The following ALDH18A1 variants were observed in gnomAD, a reference collection of about 807,000 sequenced individuals.
The protein encoded by ALDH18A1 is aldehyde dehydrogenase 18 family member A1, also known as delta-1-pyrroline-5-carboxylate synthase.
In ALDH18A1, 44 loss-of-function variants were observed where a neutral mutation model predicts 88.8. That is an observed-to-expected ratio of 0.50 (90% CI 0.39 to 0.64). The LOEUF is 0.64. Ranked by LOEUF, ALDH18A1 falls within the 30% of genes least tolerant of loss-of-function variation. ALDH18A1 has a pLI of 0.00. For missense variants in ALDH18A1, 782 were observed against 1,009.5 expected, an observed-to-expected ratio of 0.77 and a Z score of 3.05; for synonymous variants, 331 against 372.1, an observed-to-expected ratio of 0.89 and a Z score of 1.27.
At chr10:95,631,168 A>G (rs2097868643) in intron 7 of ALDH18A1, among the ~76,000 whole-genome samples, 1 of 152,190 alleles carries the variant, frequency 6.6e-6, no homozygotes, top group South Asian at 2.1e-4. Context: ...AGAAAGCTTG[A>G]GAGGAGTGAA....
intron 12 of ALDH18A1, among the ~76,000 whole-genome samples, chr10:95,617,708 C>A (rs1327423420): frequency 6.6e-6 from 1 of 152,196 alleles, no homozygotes; most frequent in East Asian, 1.9e-4. Flanking sequence ...TTCTGTGAAA[C>A]CATCCAGGGC....
chr10:95,637,245 G>A lies in ALDH18A1; in HGVS notation c.453+42C>T, dbSNP rs766703747. The A allele has an allele frequency of 2.0e-5, 32 of 1,614,090 alleles. No individual in the cohort carries two copies. The East Asian group carries it at 6.9e-4, about 35-fold the overall frequency. Reference sequence around the variant, plus strand: ...GGTGTGGTAGGGAATGAGGGAAGAAGACCTGAAGATCCATTTCAATGTGTG... The same window carrying A: ...GGTGTGGTAGGGAATGAGGGAAGAAAACCTGAAGATCCATTTCAATGTGTG... On this transcript the variant is annotated intron_variant, in intron 4 of 17. Transcript: ENST00000371224.
At position 95,641,492 on chromosome 10, in the gene ALDH18A1, G is replaced by GT. The variant is rs1249676356; in HGVS notation, c.303+1499dup. ...TTTGATCATTGCTGTTGTTCTGGGT[G>GT]TTTTTTGTTTTTTTTTTTCTGCAGG... On this transcript the variant is annotated intron_variant, in intron 3 of 17. Coordinates refer to ENST00000371224, the MANE Select transcript of ALDH18A1 (RefSeq NM_002860.4). Among the ~76,000 whole-genome samples the GT allele has an allele frequency of 3.7e-4, 9 of 24,280 alleles. No individual in the cohort carries two copies. The East Asian group carries it at 0.013, about 34-fold the overall frequency. The allele number at this position is 24,280 out of a possible 152,430, so 15.9% of individuals were successfully genotyped here.
intron 2 of ALDH18A1, among the ~76,000 whole-genome samples, chr10:95,649,870 C>G (rs969173404): frequency 1.0e-4 from 15 of 149,786 alleles, no homozygotes; most frequent in African/African-American, 3.7e-4. Context: ...GACAGAGTGA[C>G]ACCCTGTCTC....
intron 9 of ALDH18A1, among the ~76,000 whole-genome samples, chr10:95,626,997 G>A (rs2097861371): frequency 1.3e-5 from 2 of 152,180 alleles, no homozygotes; most frequent in South Asian, 4.1e-4. Context: ...GAACTTGCCT[G>A]TATTTCTGGG....
chr10:95,647,643 A>G (rs903185350), intron 2 of ALDH18A1, among the ~76,000 whole-genome samples: 1 of 152,260 alleles, frequency 6.6e-6, no homozygotes, highest in Non-Finnish European at 1.5e-5. Flanking sequence ...CTCAGTCCAG[A>G]GAGGGTCCTG....
chr10:95,640,647 T>C (rs910180614), intron 3 of ALDH18A1, among the ~76,000 whole-genome samples: 6 of 152,198 alleles, frequency 3.9e-5, no homozygotes, highest in Admixed American at 2.0e-4. Flanking sequence ...CAGCTGTGAT[T>C]CCCTTTCTTG....
chr10:95,640,324 T>G (rs1442601702), intron 3 of ALDH18A1, among the ~76,000 whole-genome samples: 1 of 151,376 alleles, frequency 6.6e-6, no homozygotes, highest in Non-Finnish European at 1.5e-5. Flanking sequence ...CATATTTTGT[T>G]GTATTGTGCA....
At chr10:95,640,636 C>T (rs1315572348) in intron 3 of ALDH18A1, among the ~76,000 whole-genome samples, 2 of 152,294 alleles carry the variant, frequency 1.3e-5, no homozygotes, top group East Asian at 1.9e-4. Flanking sequence ...GCCACTGTGC[C>T]CAGCTGTGAT....
intron 11 of ALDH18A1, among the ~76,000 whole-genome samples, chr10:95,622,596 G>A (rs948882483): frequency 2.6e-5 from 4 of 152,112 alleles, no homozygotes; most frequent in African/African-American, 9.7e-5. Flanking sequence ...GGAGTGCAGT[G>A]GCGCAATCTC....
At chr10:95,619,194 A>G (rs556721702) in intron 12 of ALDH18A1, among the ~76,000 whole-genome samples, 2 of 152,152 alleles carry the variant, frequency 1.3e-5, no homozygotes, top group African/African-American at 4.8e-5. Flanking sequence ...CACAATTGCT[A>G]CAAAGAGAAT....
At chr10:95,640,462 C>T (rs116116285) in intron 3 of ALDH18A1, among the ~76,000 whole-genome samples, 2,997 of 152,156 alleles carry the variant, frequency 0.02, 91 homozygotes, top group African/African-American at 0.063. Context: ...CTGCTTCAGC[C>T]TACCAAGTAG....
chr10:95,606,151 C>T lies in ALDH18A1; in HGVS notation c.*611G>A, dbSNP rs41291562. On this transcript the variant is annotated 3_prime_UTR_variant, in exon 18 of 18. Coordinates refer to ENST00000371224, the MANE Select transcript of ALDH18A1 (RefSeq NM_002860.4). ...TGCAGCTTGGGTTCCAGCTGCATCA[C>T]GGGGAACACAGCATCTCCTGGATGC... 13,031 of 739,948 alleles carry T rather than the reference C, an allele frequency of 0.018. 153 individuals carry two copies. The highest frequency in any genetic ancestry group is 0.02 in the Non-Finnish European group (11,829 of 605,182). The allele number at this position is 739,948 out of a possible 1,614,324, so 45.8% of individuals were successfully genotyped here.
In ALDH18A1 at chr10:95,635,447, G is replaced by A. The variant is rs138277471; in HGVS notation, c.558+1646C>T. 1.4e-4 allele frequency among the ~76,000 whole-genome samples: 21 copies of A among 152,332 alleles called. No homozygotes were observed. In the East Asian group the frequency reaches 3.9e-3, roughly 28 times the overall value. Reference sequence around the variant, plus strand: ...GTACGTGTTTAGACAAGCGCAATCTGTTGAGGGAAAATCAGTTTCCCTTCT... The same window carrying A: ...GTACGTGTTTAGACAAGCGCAATCTATTGAGGGAAAATCAGTTTCCCTTCT... On this transcript the variant is annotated intron_variant, in intron 5 of 17. Coordinates refer to ENST00000371224, the MANE Select transcript of ALDH18A1 (RefSeq NM_002860.4).
chr10:95,613,705 G>T, intron 15 of ALDH18A1, 37 bp downstream of exon 15: 1 of 1,613,196 alleles, frequency 6.2e-7, no homozygotes, highest in South Asian at 1.1e-5. Flanking sequence ...AGGCTTCTAA[G>T]ACAGGAAGTA....
rs1056759023 is a variant in ALDH18A1, at chr10:95,616,668, A to C, written c.1468-54T>G. On this transcript the variant is annotated intron_variant, in intron 12 of 17. Coordinates refer to ENST00000371224, the MANE Select transcript of ALDH18A1 (RefSeq NM_002860.4). ...AAAGGAGACAAACAGTAATAGCAACAGTGATGTTAGCATTCACAAGCACTC... is the reference window on the plus strand; with the variant it reads ...AAAGGAGACAAACAGTAATAGCAACCGTGATGTTAGCATTCACAAGCACTC... 8 of 1,571,258 alleles carry C rather than the reference A, an allele frequency of 5.1e-6. No homozygotes were observed. In the Admixed American group the frequency reaches 1.3e-4, roughly 26 times the overall value.
At chr10:95,627,908 G>C (rs1566019393) in intron 8 of ALDH18A1, among the ~76,000 whole-genome samples, 1 of 152,214 alleles carries the variant, frequency 6.6e-6, no homozygotes, top group Non-Finnish European at 1.5e-5. Context: ...AGACCAACAG[G>C]CTGGAGTTTG....
chr10:95,608,135 T>A (rs1377973116), intron 17 of ALDH18A1, among the ~76,000 whole-genome samples: 1 of 152,250 alleles, frequency 6.6e-6, no homozygotes, highest in Non-Finnish European at 1.5e-5. Flanking sequence ...TTACTGTCAT[T>A]AATGCATTTC....
intron 15 of ALDH18A1, among the ~76,000 whole-genome samples, chr10:95,612,762 C>A (rs1038046173): frequency 6.6e-6 from 1 of 152,226 alleles, no homozygotes; most frequent in African/African-American, 2.4e-5. Flanking sequence ...CCTGTCTAAT[C>A]CAGTTCACTG....
Sources: allele counts gnomAD v4.1 joint callset (sites outside exome capture counted in the v4.1 genomes callset), GRCh38; gene constraint gnomAD v4.1.1; transcripts MANE v1.5; gene names NCBI Gene and HGNC (gene_info 2026-07-23, HGNC 2026-07-21).